CES4A: variants seen among roughly 807,000 people sequenced by gnomAD.
CES4A encodes carboxylesterase 4A, also known as carboxylesterase 6.
A neutral mutation model predicts 65.4 loss-of-function variants in CES4A; 48 were observed. The observed-to-expected ratio is 0.73, with a 90% CI of 0.58 to 0.93. CES4A has a LOEUF of 0.93. Ranked by LOEUF, CES4A falls within the 40% of genes least tolerant of loss-of-function variation. The pLI, the probability that CES4A is intolerant of heterozygous loss-of-function variation, is 0.00. For synonymous variants in CES4A, 247 were observed against 281.8 expected, an observed-to-expected ratio of 0.88 and a Z score of 1.24; for missense variants, 685 against 728.5, an observed-to-expected ratio of 0.94 and a Z score of 0.69.
rs561836093 is a variant in CES4A at position 67,003,021 on chromosome 16, G to C, written c.691-49G>C. The C allele has an allele frequency of 1.3e-6, 2 of 1,493,584 alleles. No homozygotes were observed. Among genetic ancestry groups the C allele is most frequent in the East Asian group, 4.5e-5 (2 of 44,300 alleles). 92.5% of individuals were successfully genotyped at this position (1,493,584 alleles called of 1,614,324 possible). The stretch of plus-strand genomic sequence containing the variant: ...CAGACAGATGCCCAGAACAGCCCAG[G>C]TGTCTCTACTTGGGCATCTCACGGG... On this transcript the variant is annotated intron_variant, in intron 5 of 13. Coordinates refer to ENST00000648724, the Ensembl canonical transcript of CES4A. This position sits in a 1 kb window ranked among gnomAD's most constrained non-coding sequence, Gnocchi z 4.2.
rs555557361 is a variant in CES4A at position 67,000,581 on chromosome 16, C to A, written c.261-57C>A. On this transcript the variant is annotated intron_variant, in intron 2 of 13. Transcript: ENST00000648724. This position sits in a 1 kb window ranked among gnomAD's most constrained non-coding sequence, Gnocchi z 4.2. Reference sequence around the variant, plus strand: ...TGCTTTGGGTTCCGTCTTCTCACTGCGGACCCTGGATTGAAACGATCTCCC... The same window carrying A: ...TGCTTTGGGTTCCGTCTTCTCACTGAGGACCCTGGATTGAAACGATCTCCC... 48 of 1,509,772 alleles carry A rather than the reference C, an allele frequency of 3.2e-5. No individual in the cohort carries two copies. The South Asian group carries it at 5.2e-4, about 16-fold the overall frequency. The allele number at this position is 1,509,772 out of a possible 1,614,324, so 93.5% of individuals were successfully genotyped here. A position where few individuals can be genotyped will look rare whatever the true frequency, so the allele number is the denominator to read the frequency against.
At chr16:66,995,356 A>G (rs1294992209) in intron 1 of CES4A, among the ~76,000 whole-genome samples, 4 of 152,046 alleles carry the variant, frequency 2.6e-5, no homozygotes, top group Admixed American at 6.6e-5. Context: ...TAAATAAACG[A>G]AACGTTAAAG....
chr16:67,003,611 C>T lies in CES4A; in HGVS notation c.939+58C>T, dbSNP rs902208742. 25 of 1,386,220 alleles carry T rather than the reference C, an allele frequency of 1.8e-5. No individual in the cohort carries two copies. The Admixed American group carries it at 3.3e-4, about 19-fold the overall frequency. The allele number at this position is 1,386,220 out of a possible 1,614,324, so 85.9% of individuals were successfully genotyped here. ...TATTTAACACCTACTTTGTGCCAGGCACTTGGGATACTTAGGGAATTGTTC... is the reference window on the plus strand; with the variant it reads ...TATTTAACACCTACTTTGTGCCAGGTACTTGGGATACTTAGGGAATTGTTC... On this transcript the variant is annotated intron_variant, in intron 8 of 13. Transcript: ENST00000648724. This position sits in a 1 kb window ranked among gnomAD's most constrained non-coding sequence, Gnocchi z 4.2.
Position 67,000,633 on chromosome 16 carries a change from CGCAGGTGCCT to C in CES4A, c.262_271del (p.Cys88SerfsTer29). 7.1e-6 allele frequency: 11 copies of C among 1,543,246 alleles called. No homozygotes were observed. In the Middle Eastern group the frequency reaches 1.4e-3, roughly 194 times the overall value. On this transcript the variant is annotated splice_acceptor_variant and splice_polypyrimidine_tract_variant and coding_sequence_variant and intron_variant, in exon 3 of 14. Coordinates refer to ENST00000648724, the Ensembl canonical transcript of CES4A. LOFTEE classifies it high-confidence loss of function. This position sits in a 1 kb window ranked among gnomAD's most constrained non-coding sequence, Gnocchi z 4.2. Reference sequence around the variant, plus strand: ...GCGGCCGCCGCCGCTACCTGGTGCCCGCAGGTGCCTGCAGGAGTCCTGGGGCCAGCTGGCC... The same window carrying C: ...GCGGCCGCCGCCGCTACCTGGTGCCCGCAGGAGTCCTGGGGCCAGCTGGCC...
At chr16:66,998,242 GGA>G (rs1280104996) in intron 2 of CES4A, among the ~76,000 whole-genome samples, 1 of 152,104 alleles carries the variant, frequency 6.6e-6, no homozygotes, top group Non-Finnish European at 1.5e-5. Flanking sequence ...TGAGGTGGCA[GGA>G]ATATCAGGAG....
chr16:66,988,817 G>A (rs375489966), exon 1 of CES4A: 29 of 1,567,760 alleles, frequency 1.8e-5, no homozygotes, highest in African/African-American at 1.1e-4. Context: ...GCCTGATGGC[G>A]CAGACGGCCT....
intron 1 of CES4A, among the ~76,000 whole-genome samples, chr16:66,990,139 C>T (rs922707607): frequency 6.6e-6 from 1 of 151,478 alleles, no homozygotes. Flanking sequence ...CAACCTCCAC[C>T]TCCCGGGTTC....
intron 1 of CES4A, among the ~76,000 whole-genome samples, chr16:66,992,524 T>C (rs1964476404): frequency 6.6e-6 from 1 of 152,166 alleles, no homozygotes; most frequent in East Asian, 1.9e-4. Flanking sequence ...GGCCAAGGAA[T>C]ACATATTTTT....
chr16:67,002,130 C>G (rs1267158734), intron 5 of CES4A, among the ~76,000 whole-genome samples: 1 of 152,110 alleles, frequency 6.6e-6, no homozygotes, highest in Non-Finnish European at 1.5e-5. Context: ...GAGAATTAAG[C>G]AACTTTATCC....
At chr16:67,005,816 T>A in intron 11 of CES4A, 1 of 173,726 alleles carries the variant, frequency 5.8e-6, no homozygotes. Context: ...ACCACTGCAC[T>A]CCAGCCTGGG....
Position 67,000,776 on chromosome 16 carries a change from G to C in CES4A, c.399G>C (p.Leu133=). The change falls in exon 3 of 14, where the codon CTG becomes CTC. Residue 133 remains leucine, a synonymous_variant. Coordinates refer to ENST00000648724, the Ensembl canonical transcript of CES4A. The surrounding 1 kb of genome is among the most constrained non-coding windows in gnomAD (Gnocchi z 4.2). ...CGCGCGCGCCCGGGGATCCCCAGCT[G>C]CCAGTGAGTGCCAGGTCTCCCGCGC... The C allele has an allele frequency of 6.5e-7, 1 of 1,549,932 alleles. No individual in the cohort carries two copies.
chr16:66,991,706 T>C (rs1383979353), intron 1 of CES4A, among the ~76,000 whole-genome samples: 2 of 152,238 alleles, frequency 1.3e-5, no homozygotes, highest in Non-Finnish European at 2.9e-5. Context: ...TGATGTAAGA[T>C]ACTTTTCTGT....
chr16:67,003,086 C>T lies in CES4A; in HGVS notation c.707C>T (p.Ala236Val), dbSNP rs769807046. 98 of 1,613,964 alleles carry T rather than the reference C, an allele frequency of 6.1e-5. No individual in the cohort carries two copies. The highest frequency in any genetic ancestry group is 8.2e-5 in the Non-Finnish European group (97 of 1,179,956). Residue 236 changes from alanine to valine, a missense_variant, in exon 6 of 14, where the codon GCC becomes GTC. Coordinates refer to ENST00000648724, the Ensembl canonical transcript of CES4A. The surrounding 1 kb of genome is among the most constrained non-coding windows in gnomAD (Gnocchi z 4.2). ...TTCTTGCAGATGATGTCACCCCTAG[C>T]CTCGGGTCTCTTCCATCGGGCCATT... is the stretch of plus-strand genomic sequence containing the variant.
rs1001111840 is a variant in CES4A at position 67,000,214 on chromosome 16, C to T, written c.261-424C>T. Among the ~76,000 whole-genome samples, 13 of 152,156 alleles carry T rather than the reference C, an allele frequency of 8.5e-5. No individual in the cohort carries two copies. Among genetic ancestry groups the T allele is most frequent in the Non-Finnish European group, 2.9e-5 (2 of 68,038 alleles). ...GGAGGAGTGTGAAGAGGCTGGGGTA[C>T]TGTCCAGACCAGAGACGGTGGTGGC... On this transcript the variant is annotated intron_variant, in intron 2 of 13. Transcript: ENST00000648724. The surrounding 1 kb of genome is among the most constrained non-coding windows in gnomAD (Gnocchi z 4.2).
chr16:67,006,653 T>C (rs1965783960), intron 12 of CES4A, 92 bp from the exon 13 acceptor site: 6 of 1,543,526 alleles, frequency 3.9e-6, no homozygotes, highest in Non-Finnish European at 4.4e-6. Flanking sequence ...ATGAAAGTCT[T>C]CTGCTCCGGA....
At chr16:66,995,920 A>G in intron 2 of CES4A, 91 bp downstream of exon 2, 1 of 1,265,216 alleles carries the variant, frequency 7.9e-7, no homozygotes, top group Non-Finnish European at 1.1e-6. Context: ...AGAAGAACTC[A>G]CTGTGTGATC....
exon 13 of CES4A, chr16:67,006,813 A>G (rs1965798307): frequency 6.2e-7 from 1 of 1,613,966 alleles, no homozygotes; most frequent in African/African-American, 1.3e-5. Flanking sequence ...CTTTGCCCGC[A>G]CAGGGTGAGT....
chr16:67,006,537 G>C lies in CES4A; in HGVS notation c.1444+18G>C. On this transcript the variant is annotated intron_variant, in intron 12 of 13. Coordinates refer to ENST00000648724, the Ensembl canonical transcript of CES4A. ...CGCCACAGGTGCAAAGGTCCCACCT[G>C]ATACCCCAACTGGGTGTCCAGTCTC... 1 of 1,540,774 alleles carries C rather than the reference G, an allele frequency of 6.5e-7. No homozygotes were observed. Among genetic ancestry groups the C allele is most frequent in the South Asian group, 1.2e-5 (1 of 84,842 alleles).
exon 14 of CES4A, chr16:67,009,405 T>C: frequency 2.7e-6 from 1 of 373,732 alleles, no homozygotes. Flanking sequence ...AACACCACAC[T>C]GTGCTCAGCT....
Sources: gnomAD v4.1 joint callset for allele counts (sites outside exome capture counted in the v4.1 genomes callset) on GRCh38, gnomAD v4.1.1 for gene constraint, Gnocchi (gnomAD v3.1) non-coding constraint, MANE v1.5 for transcripts, NCBI Gene and HGNC (gene_info 2026-07-23, HGNC 2026-07-21) for gene names.